Variants in BARD1 observed in about 807,000 individuals in gnomAD.
The protein encoded by BARD1 is BRCA1 associated RING domain 1.
A neutral mutation model predicts 77.0 loss-of-function variants in BARD1; 73 were observed. The observed-to-expected ratio is 0.95, with a 90% CI of 0.79 to 1.15. BARD1 has a LOEUF of 1.15. Among genes scored for constraint, BARD1 ranks in the 50% most tolerant of loss-of-function variants. BARD1 has a pLI of 0.00. For synonymous variants in BARD1, 384 were observed against 338.0 expected, an observed-to-expected ratio of 1.14 and a Z score of -1.49; for missense variants, 993 against 938.8, an observed-to-expected ratio of 1.06 and a Z score of -0.75.
At chr2:214,745,591 A>C in intron 8 of BARD1, 131 bp downstream of exon 8, 1 of 1,156,134 alleles carries the variant, frequency 8.6e-7, no homozygotes, top group Non-Finnish European at 1.3e-6. Flanking sequence ...ATTTAGATGT[A>C]TTACAAGATG....
intron 7 of BARD1, among the ~76,000 whole-genome samples, chr2:214,750,954 A>C (rs903719843): frequency 2.6e-5 from 4 of 151,454 alleles, no homozygotes; most frequent in Non-Finnish European, 5.9e-5. Flanking sequence ...TTCTATATAA[A>C]GTAATAAATT....
At chr2:214,729,066 CTG>C (rs1191808810) in intron 10 of BARD1, 58 bp from the exon 11 acceptor site, 27 of 1,495,830 alleles carry the variant, frequency 1.8e-5, no homozygotes, top group Non-Finnish European at 2.4e-5. Context: ...TTCAAAAACA[CTG>C]TATATGAATG....
At chr2:214,788,826 CCTT>C (rs1302574392) in intron 3 of BARD1, among the ~76,000 whole-genome samples, 1 of 152,018 alleles carries the variant, frequency 6.6e-6, no homozygotes. Context: ...ATATAGTTTA[CCTT>C]CTAACCTTTT....
At chr2:214,800,920 G>A (rs912906557) in intron 1 of BARD1, among the ~76,000 whole-genome samples, 1 of 151,924 alleles carries the variant, frequency 6.6e-6, no homozygotes, top group Non-Finnish European at 1.5e-5. Context: ...GTTAACAGTA[G>A]TAAGAAAATT....
chr2:214,731,137 G>GAA (rs34664471), intron 9 of BARD1: 3,790 of 198,686 alleles, frequency 0.019, no homozygotes, highest in South Asian at 0.061. Flanking sequence ...GGCTTTGCAG[G>GAA]AAAAAAAAAA....
chr2:214,760,439 C>T (rs973364949), intron 6 of BARD1, among the ~76,000 whole-genome samples: 3 of 152,132 alleles, frequency 2.0e-5, no homozygotes, highest in East Asian at 3.9e-4. Context: ...GTGATCCACC[C>T]GCCTCGGCCT....
chr2:214,755,059 A>C (rs1291327073), intron 6 of BARD1, among the ~76,000 whole-genome samples: 1 of 152,180 alleles, frequency 6.6e-6, no homozygotes, highest in Non-Finnish European at 1.5e-5. Context: ...ACAGACTAAC[A>C]CTTTAGTTAG....
In BARD1 at chr2:214,769,437, G is replaced by A. The variant is rs1694374287; in HGVS notation, c.1315-125C>T. 4 of 773,194 alleles carry A rather than the reference G, an allele frequency of 5.2e-6. No homozygotes were observed. In the South Asian group the frequency reaches 6.1e-5, roughly 12 times the overall value. The allele number at this position is 773,194 out of a possible 1,614,324, so 47.9% of individuals were successfully genotyped here. ...TAAATCGTTTTCTCTTAAGGCTACT[G>A]TTCATGAGTTAATAAATTATTAGGC... On this transcript the variant is annotated intron_variant, in intron 4 of 10. Coordinates refer to ENST00000260947, the MANE Select transcript of BARD1 (RefSeq NM_000465.4).
At chr2:214,746,651 T>A (rs1693131598) in intron 7 of BARD1, among the ~76,000 whole-genome samples, 1 of 152,140 alleles carries the variant, frequency 6.6e-6, no homozygotes, top group Admixed American at 6.6e-5. Context: ...ACTTAAAAGT[T>A]CAGCTCATCT....
At chr2:214,784,540 G>A (rs1468017283) in intron 3 of BARD1, among the ~76,000 whole-genome samples, 4 of 152,034 alleles carry the variant, frequency 2.6e-5, no homozygotes, top group Non-Finnish European at 5.9e-5. Context: ...TATACCCAAA[G>A]GATTATAAAT....
At position 214,752,491 on chromosome 2, in the gene BARD1, G is replaced by A. The variant is rs779307636; in HGVS notation, c.1633C>T (p.Leu545=). ...DDESMKSLLL[L]PEKNESSSAS... ...GAGGATGATTCATTCTTCTCTGGTA[G>A]CAGCAATAGCGATTTCATACTTTCA... The change falls in exon 7 of 11, where the codon CTA becomes TTA. Residue 545 remains leucine, a synonymous_variant. Coordinates refer to ENST00000260947, the MANE Select transcript of BARD1 (RefSeq NM_000465.4). 9 of 1,613,734 alleles carry A rather than the reference G, an allele frequency of 5.6e-6. No individual in the cohort carries two copies. Among genetic ancestry groups the A allele is most frequent in the African/African-American group, 1.3e-5 (1 of 75,020 alleles).
intron 3 of BARD1, among the ~76,000 whole-genome samples, chr2:214,787,212 C>T: frequency 6.6e-6 from 1 of 151,690 alleles, no homozygotes; most frequent in East Asian, 1.9e-4. Context: ...ATAGCAGCAA[C>T]ATACTCAACT....
chr2:214,800,999 A>G (rs1227237547), intron 1 of BARD1, among the ~76,000 whole-genome samples: 1 of 147,774 alleles, frequency 6.8e-6, no homozygotes, highest in Non-Finnish European at 1.5e-5. Context: ...CAATATAAAC[A>G]TATTTGGAAA....
chr2:214,766,892 G>T (rs1293626497), intron 6 of BARD1, among the ~76,000 whole-genome samples: 2 of 151,752 alleles, frequency 1.3e-5, no homozygotes, highest in African/African-American at 2.4e-5. Context: ...TGTGTAACGG[G>T]GGTGTGTTGT....
At chr2:214,773,066 T>C (rs540051111) in intron 4 of BARD1, among the ~76,000 whole-genome samples, 1 of 152,218 alleles carries the variant, frequency 6.6e-6, no homozygotes, top group Non-Finnish European at 1.5e-5. Context: ...AGAGTGTGTG[T>C]GTGTCCCACT....
intron 8 of BARD1, 36 bp downstream of exon 8, chr2:214,745,686 T>C (rs1693069700): frequency 6.2e-7 from 1 of 1,612,410 alleles, no homozygotes; most frequent in Non-Finnish European, 8.5e-7. Flanking sequence ...ATTTAACATT[T>C]TTTCTACCCC....
intron 1 of BARD1, among the ~76,000 whole-genome samples, chr2:214,797,961 A>G (rs1272896417): frequency 6.6e-6 from 1 of 152,116 alleles, no homozygotes; most frequent in African/African-American, 2.4e-5. Flanking sequence ...ACACACCAAG[A>G]CATTATACTC....
At chr2:214,742,195 GT>G (rs1268436544) in intron 9 of BARD1, among the ~76,000 whole-genome samples, 1 of 152,124 alleles carries the variant, frequency 6.6e-6, no homozygotes, top group East Asian at 1.9e-4. Flanking sequence ...AATATGAATG[GT>G]TTTCAAATAG....
chr2:214,806,416 C>T (rs1696272734), intron 1 of BARD1, among the ~76,000 whole-genome samples: 1 of 152,178 alleles, frequency 6.6e-6, no homozygotes, highest in Non-Finnish European at 1.5e-5. Context: ...TTCTGAGTTG[C>T]TCCTTGCCGG....
Sources: gnomAD v4.1 joint callset for allele counts (sites outside exome capture counted in the v4.1 genomes callset) on GRCh38, gnomAD v4.1.1 for gene constraint, MANE v1.5 for transcripts, NCBI Gene and HGNC (gene_info 2026-07-23, HGNC 2026-07-21) for gene names.